TRIM75: variants seen among roughly 807,000 people sequenced by gnomAD.
TRIM75 encodes the protein tripartite motif containing 75, also known as tripartite motif-containing protein 75.
the TRIM75 span, among the ~76,000 whole-genome samples, chr4:165,055,283 CT>C: frequency 0.35 from 45,776 of 128,970 alleles, 7,636 homozygotes; most frequent in Non-Finnish European, 0.41. Context: ...AAGATAACTA[CT>C]TTTTTTTTTT....
the TRIM75 span, among the ~76,000 whole-genome samples, chr4:165,054,195 C>A: frequency 5.3e-5 from 8 of 151,384 alleles, no homozygotes; most frequent in African/African-American, 1.9e-4. Flanking sequence ...TGGGGTCAAG[C>A]AATTCTCCTG....
At chr4:165,060,434 G>A in the TRIM75 span, 2 of 780,754 alleles carry the variant, frequency 2.6e-6, no homozygotes, top group Non-Finnish European at 4.8e-6. Flanking sequence ...TCTATAACAT[G>A]GCTGAGAAAT....
chr4:165,059,424 G>A, the TRIM75 span: 5 of 780,862 alleles, frequency 6.4e-6, no homozygotes, highest in East Asian at 2.4e-5. Flanking sequence ...GAAGCAGGAA[G>A]AGACCACCTT....
At chr4:165,055,447 G>C in the TRIM75 span, among the ~76,000 whole-genome samples, 1 of 152,078 alleles carries the variant, frequency 6.6e-6, no homozygotes, top group East Asian at 1.9e-4. Flanking sequence ...ACCATGCCGG[G>C]CTAGTTTTGT....
At chr4:165,060,433 T>G in the TRIM75 span, 3 of 780,844 alleles carry the variant, frequency 3.8e-6, no homozygotes, top group Admixed American at 1.7e-5. Context: ...TTCTATAACA[T>G]GGCTGAGAAA....
At chr4:165,055,203 G>A in the TRIM75 span, among the ~76,000 whole-genome samples, 1 of 151,810 alleles carries the variant, frequency 6.6e-6, no homozygotes, top group African/African-American at 2.4e-5. Flanking sequence ...GAATTCCTTG[G>A]GCTCAAGCGA....
chr4:165,059,071 T>C, the TRIM75 span: 3 of 652,022 alleles, frequency 4.6e-6, no homozygotes, highest in African/African-American at 3.6e-5. Context: ...GCATATCTGC[T>C]TCTCACTGAA....
the TRIM75 span, among the ~76,000 whole-genome samples, chr4:165,054,800 A>G: frequency 6.6e-6 from 1 of 152,320 alleles, no homozygotes; most frequent in South Asian, 2.1e-4. Context: ...AAAAAAGTTA[A>G]GCTGAGAGCC....
chr4:165,054,591 AGT>A, the TRIM75 span, among the ~76,000 whole-genome samples: 3 of 151,946 alleles, frequency 2.0e-5, no homozygotes, highest in East Asian at 3.9e-4. Context: ...TTGTATTTTT[AGT>A]CTCACCGTGT....
At chr4:165,058,100 G>A in the TRIM75 span, among the ~76,000 whole-genome samples, 2 of 152,102 alleles carry the variant, frequency 1.3e-5, no homozygotes, top group African/African-American at 2.4e-5. Context: ...CTATTCAACT[G>A]TAGAGAAGCA....
the TRIM75 span, among the ~76,000 whole-genome samples, chr4:165,058,616 T>C: frequency 6.6e-6 from 1 of 152,120 alleles, no homozygotes; most frequent in Non-Finnish European, 1.5e-5. Context: ...ATGTGGGGAT[T>C]GTGGTTCCAA....
chr4:165,057,220 A>G, the TRIM75 span, among the ~76,000 whole-genome samples: 13,648 of 152,192 alleles, frequency 0.09, 668 homozygotes, highest in African/African-American at 0.13. Flanking sequence ...ACTGAAAATC[A>G]CATTTTCAGC....
chr4:165,059,670 A>AT, the TRIM75 span: 1 of 780,956 alleles, frequency 1.3e-6, no homozygotes, highest in Non-Finnish European at 2.4e-6. Context: ...ACTGAGAGAG[A>AT]TGGTGGAAAA....
the TRIM75 span, among the ~76,000 whole-genome samples, chr4:165,055,923 C>CTTT: frequency 4.6e-4 from 62 of 135,592 alleles, no homozygotes; most frequent in Middle Eastern, 3.9e-3. Context: ...CTCTCTCTCC[C>CTTT]TTTTTTTTTT....
chr4:165,060,215 G>A, the TRIM75 span: 3 of 780,904 alleles, frequency 3.8e-6, no homozygotes, highest in South Asian at 1.3e-5. Context: ...TTGAAGTGGG[G>A]GATAAGTCAG....
At chr4:165,054,109 T>C in the TRIM75 span, among the ~76,000 whole-genome samples, 1 of 152,004 alleles carries the variant, frequency 6.6e-6, no homozygotes, top group African/African-American at 2.4e-5. Context: ...ATTTATTTTT[T>C]TGAGACGCAA....
the TRIM75 span, among the ~76,000 whole-genome samples, chr4:165,056,603 T>TC: frequency 2.2e-4 from 7 of 32,398 alleles, no homozygotes; most frequent in African/African-American, 1.3e-3. Context: ...TCTCTGTCTC[T>TC]TTTTTTTTTT....
At chr4:165,053,979 G>C in the TRIM75 span, among the ~76,000 whole-genome samples, 3 of 152,046 alleles carry the variant, frequency 2.0e-5, no homozygotes, top group African/African-American at 7.2e-5. Flanking sequence ...CCGTGGGTGC[G>C]GGAGGCTGGA....
the TRIM75 span, among the ~76,000 whole-genome samples, chr4:165,054,304 C>G: frequency 7.5e-6 from 1 of 132,618 alleles, no homozygotes; most frequent in African/African-American, 2.8e-5. Flanking sequence ...GAGTCTTGCT[C>G]TGTTGCCCAG....
Sources: gnomAD v4.1 joint callset for allele counts (sites outside exome capture counted in the v4.1 genomes callset) on GRCh38, gnomAD v4.1.1 for gene constraint, MANE v1.5 for transcripts, NCBI Gene and HGNC (gene_info 2026-07-23, HGNC 2026-07-21) for gene names.